Variants in WTAP observed in about 807,000 individuals in gnomAD.
WTAP encodes WT1 associated protein.
Under a neutral mutation model 50.0 loss-of-function variants are expected in WTAP, and 8 were observed. The ratio of observed to expected loss-of-function variants is 0.16; its 90% CI spans 0.09 to 0.29. The LOEUF is 0.29. Among genes scored for constraint, WTAP ranks in the 10% least tolerant of loss-of-function variants. WTAP has a pLI of 1.00. For synonymous variants in WTAP, 194 were observed against 169.0 expected (o/e 1.15, Z -1.15); for missense variants, 295 against 470.7 (o/e 0.63, Z 3.45).
intron 7 of WTAP, among the ~76,000 whole-genome samples, chr6:159,754,323 A>G (rs911151725): frequency 5.3e-5 from 8 of 152,160 alleles, no homozygotes; most frequent in Non-Finnish European, 1.2e-4. Context: ...TCCTTGGTTG[A>G]GAACATGGGC....
At chr6:159,735,376 A>G (rs956892683) in intron 1 of WTAP, among the ~76,000 whole-genome samples, 10 of 152,156 alleles carry the variant, frequency 6.6e-5, no homozygotes, top group African/African-American at 2.4e-4. Flanking sequence ...TCTGACCTCA[A>G]GTGATCCACC....
intron 6 of WTAP, among the ~76,000 whole-genome samples, chr6:159,750,512 AT>A (rs1196955853): frequency 1.3e-5 from 2 of 152,226 alleles, no homozygotes; most frequent in East Asian, 3.8e-4. Flanking sequence ...AGTAACTGCT[AT>A]TACTTTTTCT....
At chr6:159,742,904 GAGTC>G (rs905848014) in intron 4 of WTAP, among the ~76,000 whole-genome samples, 27 of 151,344 alleles carry the variant, frequency 1.8e-4, no homozygotes, top group African/African-American at 6.5e-4. Flanking sequence ...AAAAAAAAAA[GAGTC>G]AGGAGGATCA....
upstream of WTAP, chr6:159,727,464 A>G (rs1366638875): frequency 1.7e-5 from 16 of 966,212 alleles, no homozygotes; most frequent in African/African-American, 2.1e-5. Flanking sequence ...GGCGGAGCGG[A>G]GCCGTGCGGC....
rs552628728 is a variant in WTAP at position 159,736,186 on chromosome 6, T to A, written c.-8-72T>A. 27 of 1,398,564 alleles carry A rather than the reference T, an allele frequency of 1.9e-5. 1 individual carries two copies. The South Asian group carries it at 3.4e-4, about 18-fold the overall frequency. The allele number at this position is 1,398,564 out of a possible 1,614,324, so 86.6% of individuals were successfully genotyped here. On this transcript the variant is annotated intron_variant, in intron 1 of 7. Transcript: ENST00000621533. ...TCACTAATAAATTGATTTGAAAGAG[T>A]CAGTATTTTTTATTCCTACTTTCAC...
intron 6 of WTAP, among the ~76,000 whole-genome samples, chr6:159,751,901 A>G (rs138633187): frequency 2.4e-4 from 36 of 152,182 alleles, no homozygotes; most frequent in Non-Finnish European, 4.1e-4. Context: ...ATCTCTACTA[A>G]AAATCCAAAA....
intron 5 of WTAP, among the ~76,000 whole-genome samples, chr6:159,746,084 A>G (rs531688264): frequency 6.6e-6 from 1 of 152,226 alleles, no homozygotes; most frequent in Non-Finnish European, 1.5e-5. Flanking sequence ...CCAAAATACA[A>G]AGTGATTAAA....
At chr6:159,732,107 G>A (rs557787966) in intron 1 of WTAP, among the ~76,000 whole-genome samples, 5 of 152,134 alleles carry the variant, frequency 3.3e-5, no homozygotes, top group South Asian at 4.1e-4. Flanking sequence ...CTCAGGTTTC[G>A]CATCCCGTGA....
intron 1 of WTAP, among the ~76,000 whole-genome samples, chr6:159,735,438 C>A (rs1401894117): frequency 6.6e-6 from 1 of 152,206 alleles, no homozygotes; most frequent in African/African-American, 2.4e-5. Context: ...CACGCCCAAC[C>A]AGTGTAACAT....
intron 5 of WTAP, chr6:159,745,064 T>C (rs1016817631): frequency 3.9e-5 from 6 of 152,248 alleles, no homozygotes; most frequent in African/African-American, 1.4e-4. Flanking sequence ...CCACTGATAC[T>C]TCTTTCTCCA....
chr6:159,726,857 A>G (rs773148437), upstream of WTAP: 14 of 1,289,094 alleles, frequency 1.1e-5, no homozygotes, highest in Non-Finnish European at 1.4e-5. Flanking sequence ...CTTACAGGTG[A>G]GCTTCTGCTA....
intron 3 of WTAP, 103 bp downstream of exon 3, chr6:159,739,148 C>G (rs754373925): frequency 2.3e-5 from 21 of 921,036 alleles, no homozygotes; most frequent in Non-Finnish European, 3.1e-5. Context: ...TAATGTTGTT[C>G]TATCCTCAAA....
Position 159,755,433 on chromosome 6 carries a change from G to A in WTAP, c.1013G>A (p.Ser338Asn), listed in dbSNP as rs1156844363. Residue 338 changes from serine (S) to asparagine (N), a missense_variant, in exon 8 of 8, where the codon AGT (serine) becomes AAT (asparagine). By Grantham distance (46) the Ser-to-Asn change is conservative. This residue lies in a region of WTAP where 175 missense variants were observed against 183.1 expected (regional missense o/e 0.96). Coordinates refer to ENST00000621533, the MANE Select transcript of WTAP (RefSeq NM_001270531.2). ...YVNQLSAGYE[S>N]VDSPTGSENS... Reference sequence around the variant, plus strand: ...AATCAACTCAGTGCGGGGTATGAAAGTGTAGACTCTCCCACGGGCAGTGAA... The same window carrying A: ...AATCAACTCAGTGCGGGGTATGAAAATGTAGACTCTCCCACGGGCAGTGAA... The A allele has an allele frequency of 1.9e-6, 3 of 1,614,196 alleles. No homozygotes were observed. Among genetic ancestry groups the A allele is most frequent in the Admixed American group, 3.3e-5 (2 of 60,026 alleles).
chr6:159,731,309 A>G (rs1445855272), intron 1 of WTAP, among the ~76,000 whole-genome samples: 1 of 151,870 alleles, frequency 6.6e-6, no homozygotes, highest in African/African-American at 2.4e-5. Context: ...ACCAAGAAAA[A>G]AAAAACAAAT....
intron 6 of WTAP, among the ~76,000 whole-genome samples, chr6:159,751,518 A>AAGTGGATGTTC (rs1779819735): frequency 6.6e-6 from 1 of 152,208 alleles, no homozygotes; most frequent in Non-Finnish European, 1.5e-5. Context: ...TTTAATTTCT[A>AAGTGGATGTTC]AGTGGATGTT....
rs904670470 is a variant in WTAP, at chr6:159,727,548, G to A, written c.-164G>A. ...TGTGGCAGCGAGACCCACAAATAAA[G>A]GGGAGCGCAGGGGTTGCGGCGGGAC... On this transcript the variant is annotated 5_prime_UTR_variant, in exon 1 of 8. Transcript: ENST00000621533. The A allele has an allele frequency of 3.0e-6, 3 of 989,114 alleles. No homozygotes were observed. The highest frequency in any genetic ancestry group is 2.4e-6 in the Non-Finnish European group (2 of 832,816). 61.3% of individuals were successfully genotyped at this position (989,114 alleles called of 1,614,324 possible).
intron 2 of WTAP, among the ~76,000 whole-genome samples, chr6:159,737,648 G>A (rs952383741): frequency 6.6e-6 from 1 of 151,658 alleles, no homozygotes; most frequent in East Asian, 1.9e-4. Context: ...GTGCCACTAC[G>A]CCTGGCTAAT....
rs1779701263 is a variant in WTAP at position 159,748,477 on chromosome 6, G to A, written c.452+108G>A. On this transcript the variant is annotated intron_variant, in intron 6 of 7. Coordinates refer to ENST00000621533, the MANE Select transcript of WTAP (RefSeq NM_001270531.2). The surrounding 1 kb of genome is among the most constrained non-coding windows in gnomAD (Gnocchi z 5.6). ...TTCCACACCAAGACTCAGACTTTTT[G>A]AGCCAAAAAAAAGCCACATTCTTAC... 3 of 1,506,998 alleles carry A rather than the reference G, an allele frequency of 2.0e-6. No individual in the cohort carries two copies. The highest frequency in any genetic ancestry group is 2.7e-6 in the Non-Finnish European group (3 of 1,129,540). 93.4% of individuals were successfully genotyped at this position (1,506,998 alleles called of 1,614,324 possible).
intron 6 of WTAP, among the ~76,000 whole-genome samples, chr6:159,752,903 T>C (rs1779873198): frequency 6.6e-6 from 1 of 152,202 alleles, no homozygotes; most frequent in African/African-American, 2.4e-5. Flanking sequence ...CTGGCTACTT[T>C]TTAAAAAATT....
Sources: allele counts gnomAD v4.1 joint callset (sites outside exome capture counted in the v4.1 genomes callset), GRCh38; gene constraint gnomAD v4.1.1; regional missense constraint gnomAD v4.1.1; non-coding constraint Gnocchi (gnomAD v3.1); transcripts MANE v1.5; gene names NCBI Gene and HGNC (gene_info 2026-07-23, HGNC 2026-07-21).